Variants in SAMMSON observed in about 807,000 individuals in gnomAD.
SAMMSON encodes the protein long intergenic non-protein coding RNA 1212.
At chr3:70,074,503 G>A (rs899673463) in intron 4 of SAMMSON, among the ~76,000 whole-genome samples, 6 of 152,086 alleles carry the variant, frequency 3.9e-5, no homozygotes, top group Non-Finnish European at 7.4e-5. Flanking sequence ...GTGTGAATAT[G>A]TATTTATATA....
At chr3:70,422,119 T>TA (rs34834482) in intron 2 of SAMMSON, among the ~76,000 whole-genome samples, 203 of 149,772 alleles carry the variant, frequency 1.4e-3, no homozygotes, top group Middle Eastern at 6.9e-3. Context: ...CTAAGAATGG[T>TA]AAAAAAAAAA....
intron 9 of SAMMSON, among the ~76,000 whole-genome samples, chr3:70,387,641 G>C (rs1327458223): frequency 6.6e-6 from 1 of 151,966 alleles, no homozygotes; most frequent in Non-Finnish European, 1.5e-5. Flanking sequence ...TTTGAGTTAA[G>C]ATATTCTGAA....
chr3:70,024,492 A>T (rs6769936), intron 3 of SAMMSON, among the ~76,000 whole-genome samples: 1 of 152,156 alleles, frequency 6.6e-6, no homozygotes, highest in Non-Finnish European at 1.5e-5. Context: ...AGGATTTGAG[A>T]AAACAAGCTG....
At chr3:70,153,224 T>A (rs1182823153) in intron 4 of SAMMSON, among the ~76,000 whole-genome samples, 1 of 151,980 alleles carries the variant, frequency 6.6e-6, no homozygotes, top group Non-Finnish European at 1.5e-5. Context: ...CCAAGTTTTT[T>A]AAATGACTTT....
At chr3:70,290,357 C>T (rs537565468) in intron 6 of SAMMSON, among the ~76,000 whole-genome samples, 4 of 152,178 alleles carry the variant, frequency 2.6e-5, no homozygotes, top group Non-Finnish European at 5.9e-5. Context: ...GGGGTGCCTC[C>T]CAGTTAGGCT....
intron 9 of SAMMSON, among the ~76,000 whole-genome samples, chr3:70,379,077 G>T (rs1376387134): frequency 1.3e-5 from 2 of 151,422 alleles, no homozygotes; most frequent in Non-Finnish European, 2.9e-5. Context: ...GCAGTGGCAC[G>T]ATCTCAGCTC....
chr3:70,125,738 A>T, intron 4 of SAMMSON: 2 of 675,040 alleles, frequency 3.0e-6, no homozygotes, highest in Non-Finnish European at 5.3e-6. Context: ...TGTGAAGGAC[A>T]CGAAAGTATG....
chr3:70,130,981 A>G (rs537926551), intron 4 of SAMMSON, among the ~76,000 whole-genome samples: 65 of 152,334 alleles, frequency 4.3e-4, no homozygotes, highest in African/African-American at 1.5e-3. Context: ...ATTCAACTAT[A>G]TTAAATGAAA....
chr3:70,355,446 AC>A (rs1270791833), intron 8 of SAMMSON, among the ~76,000 whole-genome samples: 1 of 152,212 alleles, frequency 6.6e-6, no homozygotes, highest in African/African-American at 2.4e-5. Flanking sequence ...CTTCCATGAA[AC>A]AAAAACAGGG....
chr3:70,243,005 A>G (rs1205840725), intron 4 of SAMMSON, among the ~76,000 whole-genome samples: 2 of 152,224 alleles, frequency 1.3e-5, no homozygotes, highest in Admixed American at 1.3e-4. Context: ...GCAGAACGAT[A>G]TAACCGTTTT....
At chr3:70,257,712 A>G (rs1198276817) in intron 6 of SAMMSON, among the ~76,000 whole-genome samples, 1 of 152,202 alleles carries the variant, frequency 6.6e-6, no homozygotes, top group African/African-American at 2.4e-5. Context: ...GGAAGACTCA[A>G]TACTGTTAGC....
chr3:70,233,257 T>C (rs1436059574), intron 4 of SAMMSON, among the ~76,000 whole-genome samples: 1 of 152,034 alleles, frequency 6.6e-6, no homozygotes, highest in Non-Finnish European at 1.5e-5. Flanking sequence ...CTGCAAAAGA[T>C]AAAAGCTGAA....
intron 9 of SAMMSON, among the ~76,000 whole-genome samples, chr3:70,368,146 T>A (rs766404852): frequency 2.6e-5 from 4 of 151,452 alleles, no homozygotes; most frequent in Non-Finnish European, 5.9e-5. Flanking sequence ...AATGTTTTCT[T>A]CAGGCAGTGC....
chr3:70,175,615 A>C (rs1283427326), intron 4 of SAMMSON, among the ~76,000 whole-genome samples: 3 of 152,052 alleles, frequency 2.0e-5, no homozygotes, highest in Non-Finnish European at 1.5e-5. Context: ...AATGTTTCTG[A>C]GACTTCATAG....
chr3:70,145,278 T>C (rs2067543807), intron 4 of SAMMSON, among the ~76,000 whole-genome samples: 2 of 152,116 alleles, frequency 1.3e-5, no homozygotes, highest in Admixed American at 1.3e-4. Context: ...AAACTTCCTC[T>C]TAAAGCAATT....
At chr3:70,255,959 G>A (rs188529852) in intron 6 of SAMMSON, among the ~76,000 whole-genome samples, 7 of 151,736 alleles carry the variant, frequency 4.6e-5, no homozygotes, top group African/African-American at 7.3e-5. Flanking sequence ...TTTACAACAC[G>A]TAATTGAAAA....
intron 7 of SAMMSON, among the ~76,000 whole-genome samples, chr3:70,353,503 A>G (rs1032724617): frequency 6.6e-6 from 1 of 152,144 alleles, no homozygotes. Flanking sequence ...TGAAATACCA[A>G]TTAAAACCAC....
intron 6 of SAMMSON, among the ~76,000 whole-genome samples, chr3:70,252,879 A>T (rs1701782339): frequency 6.6e-6 from 1 of 151,992 alleles, no homozygotes; most frequent in Non-Finnish European, 1.5e-5. Context: ...CAGGAGTTCG[A>T]GACCAGCGTG....
intron 4 of SAMMSON, chr3:70,126,582 T>C (rs1490773390): frequency 4.2e-6 from 2 of 481,910 alleles, no homozygotes; most frequent in East Asian, 3.8e-5. Context: ...ATCCCCTTGA[T>C]ATTGCAAATG....
Sources: gnomAD v4.1 joint callset for allele counts (sites outside exome capture counted in the v4.1 genomes callset) on GRCh38, gnomAD v4.1.1 for gene constraint, MANE v1.5 for transcripts, NCBI Gene and HGNC (gene_info 2026-07-23, HGNC 2026-07-21) for gene names.